The following ADAM9 variants were observed in gnomAD, a reference collection of about 807,000 sequenced individuals.
ADAM9 encodes ADAM metallopeptidase domain 9.
In ADAM9, 54 loss-of-function variants were observed where a neutral mutation model predicts 108.1. The observed-to-expected ratio is 0.50, with a 90% CI of 0.40 to 0.63. The LOEUF (loss-of-function observed/expected upper bound fraction) is 0.63, where lower values mean the gene tolerates loss of function less well. Among genes scored for constraint, ADAM9 ranks in the 20% least tolerant of loss-of-function variants. ADAM9 has a pLI of 0.00. For synonymous variants in ADAM9, 316 were observed against 336.0 expected, an observed-to-expected ratio of 0.94 and a Z score of 0.65; for missense variants, 830 against 997.7, an observed-to-expected ratio of 0.83 and a Z score of 2.26.
At position 39,033,678 on chromosome 8, in the gene ADAM9, GAGAA is replaced by G. The variant is rs1416332334; in HGVS notation, c.1130+6874_1130+6877del. Among the ~76,000 whole-genome samples, 6 of 151,862 alleles carry G rather than the reference GAGAA, an allele frequency of 4.0e-5. No homozygotes were observed. In the South Asian group the frequency reaches 1.0e-3, roughly 26 times the overall value. ...GATACACCACTTTTTCCATACCACT[GAGAA>G]AGAAATATGGTGTCAATGAAATTAA... On this transcript the variant is annotated intron_variant, in intron 11 of 21. Transcript: ENST00000487273.
chr8:39,045,363 G>GGT lies in ADAM9; in HGVS notation c.1302+3253_1302+3254dup, dbSNP rs1337886012. Among the ~76,000 whole-genome samples the GGT allele has an allele frequency of 5.0e-5, 2 of 40,148 alleles. 1 individual carries two copies. Among genetic ancestry groups the GGT allele is most frequent in the Non-Finnish European group, 9.4e-5 (2 of 21,194 alleles). The allele number at this position is 40,148 out of a possible 152,430, so 26.3% of individuals were successfully genotyped here. On this transcript the variant is annotated intron_variant, in intron 12 of 21. Transcript: ENST00000487273. ...CTATACATGTGTGTACATACATATA[G>GGT]GTGTGTGTACATACACCTATAGGTG...
intron 12 of ADAM9, among the ~76,000 whole-genome samples, chr8:39,048,289 C>G (rs967922297): frequency 6.6e-6 from 1 of 152,038 alleles, no homozygotes; most frequent in African/African-American, 2.4e-5. Flanking sequence ...ATTTTTTAAT[C>G]TTGTGTTTGA....
At position 39,043,725 on chromosome 8, in the gene ADAM9, C is replaced by A. The variant is rs763324032; in HGVS notation, c.1302+1608C>A. Among the ~76,000 whole-genome samples, 37 of 152,062 alleles carry A rather than the reference C, an allele frequency of 2.4e-4. 1 individual carries two copies. The highest frequency in any genetic ancestry group is 8.9e-4 in the African/African-American group (37 of 41,490). On this transcript the variant is annotated intron_variant, in intron 12 of 21. Transcript: ENST00000487273. ...GAGGGCTTTTCATGTACCTGTCATT[C>A]AAATAGTGAACATTGTACCCAAAAG...
chr8:39,014,197 C>T (rs535255617), intron 4 of ADAM9, 154 bp downstream of exon 4: 3 of 684,520 alleles, frequency 4.4e-6, no homozygotes, highest in African/African-American at 1.8e-5. Context: ...AAAGTGGGTG[C>T]ATTTCTATAG....
chr8:39,052,800 C>T (rs1837999907), intron 12 of ADAM9, among the ~76,000 whole-genome samples: 1 of 152,130 alleles, frequency 6.6e-6, no homozygotes, highest in Admixed American at 6.6e-5. Flanking sequence ...CCAGCATTCA[C>T]CTTCAAATCT....
At chr8:39,065,202 G>GT (rs201018664) in intron 14 of ADAM9, among the ~76,000 whole-genome samples, 11,743 of 135,102 alleles carry the variant, frequency 0.087, 523 homozygotes, top group Non-Finnish European at 0.11. Context: ...TTTTATCTGT[G>GT]TTTTTTTTTG....
At chr8:39,003,919 T>C (rs1836082101) in intron 1 of ADAM9, among the ~76,000 whole-genome samples, 1 of 152,210 alleles carries the variant, frequency 6.6e-6, no homozygotes, top group Non-Finnish European at 1.5e-5. Context: ...GCTTTTATTT[T>C]ACTTCATTGG....
chr8:39,073,056 C>T (rs1388776404), intron 15 of ADAM9, among the ~76,000 whole-genome samples: 1 of 152,172 alleles, frequency 6.6e-6, no homozygotes, highest in Non-Finnish European at 1.5e-5. Context: ...TCCATACAGA[C>T]TAATATGTGG....
chr8:39,082,547 C>T, intron 16 of ADAM9, 94 bp from the exon 17 acceptor site: 3 of 871,488 alleles, frequency 3.4e-6, no homozygotes, highest in Non-Finnish European at 5.4e-6. Context: ...AAGAATTCTG[C>T]AATGAAATAA....
At chr8:39,066,438 G>A (rs191337470) in intron 14 of ADAM9, among the ~76,000 whole-genome samples, 335 of 152,254 alleles carry the variant, frequency 2.2e-3, no homozygotes, top group African/African-American at 7.7e-3. Context: ...TTTAATGATC[G>A]CCATTCTAAA....
chr8:39,018,617 C>T, intron 6 of ADAM9: 2 of 525,752 alleles, frequency 3.8e-6, no homozygotes, highest in Admixed American at 3.3e-5. Flanking sequence ...CATTTTTTTC[C>T]CCTCAGACAT....
intron 12 of ADAM9, among the ~76,000 whole-genome samples, chr8:39,045,403 TATATGTGCGCGTGTGTAC>T (rs1837703604): frequency 6.8e-6 from 1 of 146,618 alleles, no homozygotes; most frequent in East Asian, 2.0e-4. Flanking sequence ...TACACACACC[TATATGTGCGCGTGTGTAC>T]ACACACCTAT....
intron 20 of ADAM9, among the ~76,000 whole-genome samples, chr8:39,100,814 G>A (rs1839670734): frequency 6.6e-6 from 1 of 152,126 alleles, no homozygotes; most frequent in Non-Finnish European, 1.5e-5. Flanking sequence ...CTTGGTCAAG[G>A]TCACTTCATC....
intron 12 of ADAM9, among the ~76,000 whole-genome samples, chr8:39,047,038 G>C (rs2129437478): frequency 6.6e-6 from 1 of 152,244 alleles, no homozygotes; most frequent in Non-Finnish European, 1.5e-5. Flanking sequence ...CAGAGTGCTG[G>C]GATTACAGGT....
intron 11 of ADAM9, among the ~76,000 whole-genome samples, chr8:39,033,461 T>A (rs1250008253): frequency 6.6e-6 from 1 of 151,840 alleles, no homozygotes; most frequent in Admixed American, 6.5e-5. Context: ...TTGCTTTACC[T>A]TCCTCACATT....
chr8:39,059,932 T>TG (rs1253825314), intron 14 of ADAM9, among the ~76,000 whole-genome samples: 1 of 152,200 alleles, frequency 6.6e-6, no homozygotes, highest in South Asian at 2.1e-4. Flanking sequence ...CAGGGGCATG[T>TG]GGGGCACTTC....
At chr8:39,038,914 C>G (rs1837368261) in intron 11 of ADAM9, among the ~76,000 whole-genome samples, 1 of 152,030 alleles carries the variant, frequency 6.6e-6, no homozygotes, top group Admixed American at 6.6e-5. Context: ...CTTTCTCTGC[C>G]AGTCTTTTAA....
chr8:39,027,201 G>T (rs1023282792), intron 11 of ADAM9, among the ~76,000 whole-genome samples: 10 of 152,216 alleles, frequency 6.6e-5, no homozygotes, highest in Non-Finnish European at 1.0e-4. Flanking sequence ...GCTAGGTTCA[G>T]TGTGGATTGG....
chr8:39,007,910 C>T lies in ADAM9; in HGVS notation c.122C>T (p.Ser41Phe). ...RPGFQQTSHL[S>F]SYEIITPWRL... Reference sequence around the variant, plus strand: ...GGCTTTCAACAGACCTCACATCTTTCTTCTTATGAAATTATAACTCCTTGG... The same window carrying T: ...GGCTTTCAACAGACCTCACATCTTTTTTCTTATGAAATTATAACTCCTTGG... Residue 41 changes from serine to phenylalanine, a missense_variant, in exon 2 of 22, where the codon TCT (serine) becomes TTT (phenylalanine). Around this residue, in one of 3 missense-constraint regions of ADAM9, gnomAD observed 211 missense variants for 222.2 expected, o/e 0.95. Transcript: ENST00000487273. The T allele has an allele frequency of 6.2e-7, 1 of 1,612,322 alleles. No individual in the cohort carries two copies. The highest frequency in any genetic ancestry group is 8.5e-7 in the Non-Finnish European group (1 of 1,179,186).
Sources: gnomAD v4.1 joint callset for allele counts (sites outside exome capture counted in the v4.1 genomes callset) on GRCh38, gnomAD v4.1.1 for gene constraint, gnomAD v4.1.1 regional missense constraint, MANE v1.5 for transcripts, NCBI Gene and HGNC (gene_info 2026-07-23, HGNC 2026-07-21) for gene names.